UBAC2: variants seen among roughly 807,000 people sequenced by gnomAD.
UBAC2 encodes the protein ubiquitin-associated domain-containing protein 2.
In UBAC2, 26 loss-of-function variants were observed where a neutral mutation model predicts 44.0. That is an observed-to-expected ratio of 0.59 (90% CI 0.43 to 0.82). The LOEUF is 0.82. UBAC2 is among the 40% of genes least tolerant of loss of function. The pLI, the probability that UBAC2 is intolerant of heterozygous loss-of-function variation, is 0.00. For synonymous variants in UBAC2, 155 were observed against 154.3 expected, an observed-to-expected ratio of 1.00 and a Z score of -0.04; for missense variants, 329 against 419.4, an observed-to-expected ratio of 0.78 and a Z score of 1.88.
chr13:99,242,446 C>T (rs1199498430), intron 2 of UBAC2, among the ~76,000 whole-genome samples: 28 of 132,448 alleles, frequency 2.1e-4, no homozygotes, highest in South Asian at 1.3e-3. Flanking sequence ...GGCGGCTGGC[C>T]GGGCGGGGGG....
intron 1 of UBAC2, among the ~76,000 whole-genome samples, chr13:99,216,579 C>A (rs2042998301): frequency 6.6e-6 from 1 of 152,114 alleles, no homozygotes; most frequent in African/African-American, 2.4e-5. Flanking sequence ...AGTGGTAATG[C>A]CTGCAGTTTG....
intron 4 of UBAC2, among the ~76,000 whole-genome samples, chr13:99,253,121 C>A (rs1454423499): frequency 6.7e-6 from 1 of 149,936 alleles, no homozygotes; most frequent in Non-Finnish European, 1.5e-5. Flanking sequence ...TATAAAGGTA[C>A]TTTATGTATA....
intron 4 of UBAC2, among the ~76,000 whole-genome samples, chr13:99,257,973 G>T (rs903836950): frequency 3.9e-5 from 6 of 152,018 alleles, no homozygotes; most frequent in Non-Finnish European, 7.4e-5. Context: ...ATAGAGACGG[G>T]GTCTCACTAT....
chr13:99,278,949 T>C (rs1228648865), intron 4 of UBAC2, among the ~76,000 whole-genome samples: 1 of 152,186 alleles, frequency 6.6e-6, no homozygotes, highest in Non-Finnish European at 1.5e-5. Flanking sequence ...CAGAGAATTA[T>C]ATTTCTGAGT....
At chr13:99,201,575 G>A in intron 1 of UBAC2, 1 of 1,613,700 alleles carries the variant, frequency 6.2e-7, no homozygotes, top group Non-Finnish European at 8.5e-7. Flanking sequence ...CAGGTAGGGG[G>A]CGGAGTATTT....
intron 1 of UBAC2, among the ~76,000 whole-genome samples, chr13:99,222,807 A>T (rs969317171): frequency 2.0e-5 from 3 of 152,088 alleles, no homozygotes; most frequent in African/African-American, 7.2e-5. Flanking sequence ...ATATTGGTCT[A>T]TTTTTTGCCT....
intron 6 of UBAC2, among the ~76,000 whole-genome samples, chr13:99,336,723 C>G (rs9517691): frequency 0.35 from 52,634 of 152,102 alleles, 10,345 homozygotes; most frequent in Non-Finnish European, 0.44. Context: ...ATAGGACTTA[C>G]GTTTCTTTAA....
chr13:99,316,853 T>C (rs965729352), intron 5 of UBAC2, among the ~76,000 whole-genome samples: 1 of 152,248 alleles, frequency 6.6e-6, no homozygotes, highest in South Asian at 2.1e-4. Context: ...GGCAAATTGC[T>C]TAACCACTCG....
At chr13:99,375,820 T>G (rs987420234) in intron 8 of UBAC2, among the ~76,000 whole-genome samples, 182 of 139,770 alleles carry the variant, frequency 1.3e-3, no homozygotes, top group Non-Finnish European at 2.1e-3. Flanking sequence ...TTTTTTTTTT[T>G]TGAGACATGG....
In UBAC2 at chr13:99,207,033, T is replaced by C. The variant is rs2042880829; in HGVS notation, c.31+6094T>C. Among the ~76,000 whole-genome samples, 3 of 152,216 alleles carry C rather than the reference T, an allele frequency of 2.0e-5. No individual in the cohort carries two copies. In the South Asian group the frequency reaches 6.2e-4, roughly 32 times the overall value. On this transcript the variant is annotated intron_variant, in intron 1 of 8. Coordinates refer to ENST00000403766, the MANE Select transcript of UBAC2 (RefSeq NM_001144072.2). ...TCTTCCCTGTCTTTTCTAGCACCAC[T>C]CTTGCTTTTTCTTTACCTTCATTCT...
rs149069813 is a variant in UBAC2 at position 99,285,729 on chromosome 13, A to G, written c.390-28368A>G. On this transcript the variant is annotated intron_variant, in intron 4 of 8. Coordinates refer to ENST00000403766, the MANE Select transcript of UBAC2 (RefSeq NM_001144072.2). Reference sequence around the variant, plus strand: ...ATCTGTTCCAGGGTTCTCCTAGTGTACTTCCCATAAAGCAGAGGTTGGAAA... The same window carrying G: ...ATCTGTTCCAGGGTTCTCCTAGTGTGCTTCCCATAAAGCAGAGGTTGGAAA... Among the ~76,000 whole-genome samples, 198 of 152,166 alleles carry G rather than the reference A, an allele frequency of 1.3e-3. 1 individual carries two copies. Among genetic ancestry groups the G allele is most frequent in the African/African-American group, 4.6e-3 (189 of 41,514 alleles).
chr13:99,208,185 C>A (rs530303056), intron 1 of UBAC2, among the ~76,000 whole-genome samples: 1 of 151,868 alleles, frequency 6.6e-6, no homozygotes, highest in Non-Finnish European at 1.5e-5. Flanking sequence ...TTAGTAGAGA[C>A]GGGGTTTCTC....
At chr13:99,323,697 A>T (rs1431666021) in intron 6 of UBAC2, among the ~76,000 whole-genome samples, 1 of 152,006 alleles carries the variant, frequency 6.6e-6, no homozygotes, top group Admixed American at 6.5e-5. Context: ...CTCCCTCTCT[A>T]TGCTACCTTT....
chr13:99,364,876 C>T (rs943166449), intron 7 of UBAC2, among the ~76,000 whole-genome samples: 1 of 152,154 alleles, frequency 6.6e-6, no homozygotes, highest in African/African-American at 2.4e-5. Context: ...GGGTAGTTCC[C>T]GTCTTTGACT....
At chr13:99,306,701 G>A (rs1010476525) in intron 4 of UBAC2, among the ~76,000 whole-genome samples, 5 of 152,068 alleles carry the variant, frequency 3.3e-5, no homozygotes, top group African/African-American at 7.2e-5. Context: ...GAAAAGATAC[G>A]TTTAGTCTAA....
chr13:99,211,543 G>A (rs150466889), intron 1 of UBAC2, among the ~76,000 whole-genome samples: 1 of 152,190 alleles, frequency 6.6e-6, no homozygotes, highest in South Asian at 2.1e-4. Flanking sequence ...GTTAGGCACT[G>A]TTCTAAGCAG....
intron 7 of UBAC2, among the ~76,000 whole-genome samples, chr13:99,356,838 C>T (rs916472193): frequency 1.3e-5 from 2 of 152,162 alleles, no homozygotes; most frequent in Non-Finnish European, 2.9e-5. Context: ...TTCTGGGCCT[C>T]GCGTTGCCCC....
chr13:99,227,910 G>A (rs960999980), intron 1 of UBAC2, among the ~76,000 whole-genome samples: 1 of 152,326 alleles, frequency 6.6e-6, no homozygotes, highest in South Asian at 2.1e-4. Context: ...GAGAGAGGAA[G>A]AGATAGTGTG....
chr13:99,363,224 T>A (rs1396359225), intron 7 of UBAC2, among the ~76,000 whole-genome samples: 1 of 152,204 alleles, frequency 6.6e-6, no homozygotes, highest in African/African-American at 2.4e-5. Context: ...TAATACCACA[T>A]GACTTTAATT....
Sources: gnomAD v4.1 joint callset for allele counts (sites outside exome capture counted in the v4.1 genomes callset) on GRCh38, gnomAD v4.1.1 for gene constraint, MANE v1.5 for transcripts, NCBI Gene and HGNC (gene_info 2026-07-23, HGNC 2026-07-21) for gene names.